SLC44A5: variants seen among roughly 807,000 people sequenced by gnomAD.
The protein encoded by SLC44A5 is choline transporter-like protein 5.
A neutral mutation model predicts 101.8 loss-of-function variants in SLC44A5; 57 were observed. The observed-to-expected ratio is 0.56, with a 90% CI of 0.45 to 0.70. The LOEUF is 0.70. SLC44A5 is among the 30% of genes least tolerant of loss of function. SLC44A5 has a pLI of 0.00. For missense variants in SLC44A5, 737 were observed against 853.1 expected (o/e 0.86, Z 1.70); for synonymous variants, 281 against 290.9 (o/e 0.97, Z 0.35).
At chr1:75,542,242 G>A (rs1353310641) in intron 1 of SLC44A5, among the ~76,000 whole-genome samples, 1 of 151,994 alleles carries the variant, frequency 6.6e-6, no homozygotes, top group East Asian at 1.9e-4. Context: ...CCTTCACCCA[G>A]CTTCTACCAT....
In SLC44A5 at chr1:75,543,261, C is replaced by T. The variant is rs76638884; in HGVS notation, c.-69-1745G>A. Among the ~76,000 whole-genome samples the T allele has an allele frequency of 3.5e-4, 54 of 152,136 alleles. No individual in the cohort carries two copies. The East Asian group carries it at 0.01, about 28-fold the overall frequency. ...ATTTCACTTCTACAATACTAAATTG[C>T]TTAAAAGTCCCAAGGCACCCCTAGC... is the stretch of plus-strand genomic sequence containing the variant. On this transcript the variant is annotated intron_variant, in intron 1 of 23. Transcript: ENST00000370859.
intron 3 of SLC44A5, among the ~76,000 whole-genome samples, chr1:75,367,816 A>G (rs1328708435): frequency 6.6e-6 from 1 of 152,240 alleles, no homozygotes; most frequent in Non-Finnish European, 1.5e-5. Flanking sequence ...AGGGTCTACC[A>G]GAGCTTACAA....
chr1:75,359,989 C>G (rs1659370821), intron 3 of SLC44A5, among the ~76,000 whole-genome samples: 1 of 152,116 alleles, frequency 6.6e-6, no homozygotes, highest in South Asian at 2.1e-4. Flanking sequence ...CTGTTCAGGT[C>G]CTTTCCCTAT....
rs180772400 is a variant in SLC44A5 at position 75,263,789 on chromosome 1, A to C, written c.260+11169T>G. On this transcript the variant is annotated intron_variant, in intron 6 of 23. Coordinates refer to ENST00000370859, the MANE Select transcript of SLC44A5 (RefSeq NM_001130058.2). The stretch of plus-strand genomic sequence containing the variant: ...ATGTAGTACATATACACCATGGACT[A>C]CTATGCAGCCATAAAAAAGGATGAG... Among the ~76,000 whole-genome samples the C allele has an allele frequency of 6.4e-4, 98 of 152,326 alleles. 1 individual carries two copies. Among genetic ancestry groups the C allele is most frequent in the African/African-American group, 2.2e-3 (91 of 41,570 alleles).
chr1:75,649,547 T>C, the SLC44A5 span, among the ~76,000 whole-genome samples: 440 of 152,202 alleles, frequency 2.9e-3, 5 homozygotes, highest in South Asian at 0.038. Context: ...TCTAATCTCT[T>C]TGTCAACTGT....
At chr1:75,528,805 A>G (rs1032359478) in intron 2 of SLC44A5, among the ~76,000 whole-genome samples, 1 of 152,156 alleles carries the variant, frequency 6.6e-6, no homozygotes, top group African/African-American at 2.4e-5. Context: ...TATGTTCCAA[A>G]CAAAATGTTC....
chr1:75,644,326 G>A, the SLC44A5 span, among the ~76,000 whole-genome samples: 1 of 150,912 alleles, frequency 6.6e-6, no homozygotes, highest in Non-Finnish European at 1.5e-5. Flanking sequence ...TACATACAAA[G>A]GTGTAATAAA....
the SLC44A5 span, among the ~76,000 whole-genome samples, chr1:75,637,014 TG>T: frequency 1.5e-3 from 228 of 152,170 alleles, no homozygotes; most frequent in African/African-American, 5.3e-3. Context: ...CTGACCAATA[TG>T]GTAATCATTA....
chr1:75,676,676 G>A, the SLC44A5 span, among the ~76,000 whole-genome samples: 1 of 152,114 alleles, frequency 6.6e-6, no homozygotes, highest in Non-Finnish European at 1.5e-5. Flanking sequence ...TGCACATCCT[G>A]CACATATACC....
intron 6 of SLC44A5, among the ~76,000 whole-genome samples, chr1:75,264,078 A>G (rs1292647072): frequency 6.6e-6 from 1 of 150,620 alleles, no homozygotes; most frequent in African/African-American, 2.5e-5. Flanking sequence ...GTGTATACCT[A>G]TGTAACAAAC....
intron 2 of SLC44A5, among the ~76,000 whole-genome samples, chr1:75,458,507 T>C (rs1206990172): frequency 1.3e-5 from 2 of 152,202 alleles, no homozygotes; most frequent in Non-Finnish European, 2.9e-5. Context: ...CAATCAGAAA[T>C]GCTATTACAA....
In SLC44A5 at chr1:75,462,569, C is replaced by G. The variant is rs565444643; in HGVS notation, c.14-65948G>C. ...GCATCAGGGACCAGTCCTGGAGAAA[C>G]AGATATGCGACCTTTCAGACAAAGA... On this transcript the variant is annotated intron_variant, in intron 2 of 23. Transcript: ENST00000370859. Among the ~76,000 whole-genome samples, 4 of 152,168 alleles carry G rather than the reference C, an allele frequency of 2.6e-5. No homozygotes were observed. The East Asian group carries it at 7.7e-4, about 29-fold the overall frequency.
chr1:75,386,593 A>G (rs1180212774), intron 3 of SLC44A5, among the ~76,000 whole-genome samples: 2 of 152,232 alleles, frequency 1.3e-5, no homozygotes, highest in Non-Finnish European at 2.9e-5. Flanking sequence ...TTCCATGCTC[A>G]TGGGTAGGAA....
At chr1:75,446,338 A>G (rs1453286493) in intron 2 of SLC44A5, among the ~76,000 whole-genome samples, 1 of 152,042 alleles carries the variant, frequency 6.6e-6, no homozygotes, top group African/African-American at 2.4e-5. Context: ...CAGTAGTTTT[A>G]CTGTTTCTAG....
At chr1:75,611,937 C>A (rs1175269193), upstream of SLC44A5, among the ~76,000 whole-genome samples, 1 of 152,026 alleles carries the variant, frequency 6.6e-6, no homozygotes, top group African/African-American at 2.4e-5. Context: ...CCCTCAGAAT[C>A]CCCCTCTACC....
chr1:75,587,525 T>A (rs542101718), intron 1 of SLC44A5, among the ~76,000 whole-genome samples: 1 of 152,338 alleles, frequency 6.6e-6, no homozygotes, highest in Admixed American at 6.5e-5. Flanking sequence ...CTTTCTCATG[T>A]TACCTCCATT....
At chr1:75,567,566 T>C (rs903255136) in intron 1 of SLC44A5, among the ~76,000 whole-genome samples, 2 of 152,054 alleles carry the variant, frequency 1.3e-5, no homozygotes, top group South Asian at 4.1e-4. Context: ...AGAAAGGAAA[T>C]GGACCTCAGG....
the SLC44A5 span, among the ~76,000 whole-genome samples, chr1:75,654,204 A>T: frequency 6.6e-6 from 1 of 152,222 alleles, no homozygotes; most frequent in Non-Finnish European, 1.5e-5. Flanking sequence ...TCTAATGATA[A>T]AGGAATTCAC....
At chr1:75,652,950 C>G in the SLC44A5 span, among the ~76,000 whole-genome samples, 14 of 152,278 alleles carry the variant, frequency 9.2e-5, no homozygotes, top group South Asian at 2.9e-3. Flanking sequence ...AATTCAAATT[C>G]TTGTTAATGG....
Sources: gnomAD v4.1 joint callset for allele counts (sites outside exome capture counted in the v4.1 genomes callset) on GRCh38, gnomAD v4.1.1 for gene constraint, MANE v1.5 for transcripts, NCBI Gene and HGNC (gene_info 2026-07-23, HGNC 2026-07-21) for gene names.